The following PTPRT variants were observed in gnomAD, a reference collection of about 807,000 sequenced individuals.
PTPRT encodes the protein protein tyrosine phosphatase receptor type T, also known as receptor-type tyrosine-protein phosphatase T.
A neutral mutation model predicts 176.8 loss-of-function variants in PTPRT; 56 were observed. The ratio of observed to expected loss-of-function variants is 0.32; its 90% CI spans 0.26 to 0.40. PTPRT has a LOEUF of 0.40. PTPRT is among the 10% of genes least tolerant of loss of function. The pLI is 1.00. For synonymous variants in PTPRT, 783 were observed against 739.0 expected, an observed-to-expected ratio of 1.06 and a Z score of -0.96; for missense variants, 1,540 against 1,908.2, an observed-to-expected ratio of 0.81 and a Z score of 3.60.
intron 6 of PTPRT, among the ~76,000 whole-genome samples, chr20:42,751,945 A>G (rs1405677618): frequency 1.3e-5 from 2 of 152,110 alleles, no homozygotes; most frequent in African/African-American, 2.4e-5. Context: ...TCCCCTTCAT[A>G]TATACATATA....
intron 9 of PTPRT, among the ~76,000 whole-genome samples, chr20:42,387,937 G>A (rs549820313): frequency 1.3e-5 from 2 of 152,008 alleles, no homozygotes; most frequent in South Asian, 2.1e-4. Flanking sequence ...GATTGCAGGC[G>A]CCCACCACTA....
chr20:42,184,515 C>CTTCTTCTT (rs1990648943), intron 16 of PTPRT, among the ~76,000 whole-genome samples: 1 of 71,484 alleles, frequency 1.4e-5, no homozygotes, highest in African/African-American at 4.6e-5. Context: ...TCCTCCTCCT[C>CTTCTTCTT]CTCCTTCTTC....
At chr20:42,851,446 T>A (rs1325071865) in intron 2 of PTPRT, among the ~76,000 whole-genome samples, 1 of 152,184 alleles carries the variant, frequency 6.6e-6, no homozygotes, top group East Asian at 1.9e-4. Flanking sequence ...TCCAATCCAA[T>A]TCTTGATCCA....
intron 1 of PTPRT, among the ~76,000 whole-genome samples, chr20:43,080,133 C>T (rs532505159): frequency 1.3e-5 from 2 of 152,342 alleles, no homozygotes; most frequent in Non-Finnish European, 2.9e-5. Context: ...TGACATCAGA[C>T]TTGGCCATGT....
At chr20:43,010,725 G>T (rs1224570445) in intron 1 of PTPRT, among the ~76,000 whole-genome samples, 3 of 137,990 alleles carry the variant, frequency 2.2e-5, no homozygotes, top group Admixed American at 2.1e-4. Flanking sequence ...TCCACCACTT[G>T]CAAGAAAAAA....
intron 16 of PTPRT, among the ~76,000 whole-genome samples, chr20:42,184,853 C>T (rs1258375988): frequency 6.7e-6 from 1 of 148,300 alleles, no homozygotes; most frequent in Non-Finnish European, 1.5e-5. Flanking sequence ...CTAGAGTGGT[C>T]TCGAACTTCT....
intron 9 of PTPRT, among the ~76,000 whole-genome samples, chr20:42,443,194 T>C (rs897117910): frequency 6.6e-6 from 1 of 152,262 alleles, no homozygotes; most frequent in African/African-American, 2.4e-5. Flanking sequence ...CAGTTGATAT[T>C]CCCTTACCAC....
chr20:42,390,290 C>A (rs1200378385), intron 9 of PTPRT, among the ~76,000 whole-genome samples: 1 of 152,184 alleles, frequency 6.6e-6, no homozygotes, highest in South Asian at 2.1e-4. Flanking sequence ...TATGAAATTA[C>A]ATCTCTACTT....
chr20:42,875,165 G>A (rs2078909994), intron 2 of PTPRT, among the ~76,000 whole-genome samples: 1 of 152,164 alleles, frequency 6.6e-6, no homozygotes, highest in African/African-American at 2.4e-5. Flanking sequence ...GCATCTATGT[G>A]GATATTAGCA....
At chr20:42,436,205 G>T (rs537929963) in intron 9 of PTPRT, among the ~76,000 whole-genome samples, 5 of 152,100 alleles carry the variant, frequency 3.3e-5, no homozygotes, top group Admixed American at 6.5e-5. Flanking sequence ...ATTTCTTAAG[G>T]ACACAAAATG....
chr20:42,791,003 C>G (rs1600742845), intron 3 of PTPRT, among the ~76,000 whole-genome samples, 192 bp downstream of exon 3: 1 of 152,264 alleles, frequency 6.6e-6, no homozygotes, highest in Non-Finnish European at 1.5e-5. Flanking sequence ...TCAGTCTTTT[C>G]CTACAAATGA....
chr20:42,111,592 C>G (rs1309534607), intron 22 of PTPRT, among the ~76,000 whole-genome samples: 1 of 89,424 alleles, frequency 1.1e-5, no homozygotes, highest in Non-Finnish European at 2.5e-5. Context: ...TAATAACTAA[C>G]AAACATTAAC....
intron 7 of PTPRT, among the ~76,000 whole-genome samples, chr20:42,675,456 AT>A (rs2075486293): frequency 6.6e-6 from 1 of 152,220 alleles, no homozygotes; most frequent in African/African-American, 2.4e-5. Flanking sequence ...AAGTTTTTGT[AT>A]GTCGAACCAT....
intron 1 of PTPRT, among the ~76,000 whole-genome samples, chr20:43,092,363 T>A (rs1275310443): frequency 2.0e-5 from 3 of 152,240 alleles, no homozygotes; most frequent in Non-Finnish European, 4.4e-5. Flanking sequence ...TCAGAATGTC[T>A]GTGCAGGAGG....
chr20:42,729,002 A>G (rs1233364705), intron 6 of PTPRT, among the ~76,000 whole-genome samples: 3 of 152,184 alleles, frequency 2.0e-5, no homozygotes, highest in African/African-American at 7.2e-5. Context: ...CCTTCTCTCT[A>G]TAAATGATGT....
chr20:42,878,120 G>C (rs2145843611), intron 2 of PTPRT, among the ~76,000 whole-genome samples: 1 of 152,288 alleles, frequency 6.6e-6, no homozygotes, highest in South Asian at 2.1e-4. Context: ...ACTTCTATTG[G>C]AGATGAGCAC....
chr20:42,792,565 T>C (rs768372041), intron 2 of PTPRT, among the ~76,000 whole-genome samples: 4 of 152,180 alleles, frequency 2.6e-5, no homozygotes, highest in Non-Finnish European at 5.9e-5. Flanking sequence ...GGGCTGAACT[T>C]AGAGTCTTAT....
chr20:42,067,380 A>G, the PTPRT span, among the ~76,000 whole-genome samples: 5 of 152,108 alleles, frequency 3.3e-5, no homozygotes, highest in South Asian at 1.0e-3. Flanking sequence ...AGCTGCCTAC[A>G]TGGTTTGTCA....
intron 2 of PTPRT, among the ~76,000 whole-genome samples, chr20:42,835,822 T>G (rs563292921): frequency 6.6e-6 from 1 of 151,946 alleles, no homozygotes; most frequent in South Asian, 2.1e-4. Flanking sequence ...ACACAGAGAG[T>G]TATTAAGAGC....
Sources: gnomAD v4.1 joint callset for allele counts (sites outside exome capture counted in the v4.1 genomes callset) on GRCh38, gnomAD v4.1.1 for gene constraint, MANE v1.5 for transcripts, NCBI Gene and HGNC (gene_info 2026-07-23, HGNC 2026-07-21) for gene names.